CDC27: variants seen among roughly 807,000 people sequenced by gnomAD.
CDC27 encodes cell division cycle 27.
Under a neutral mutation model 109.7 loss-of-function variants are expected in CDC27, and 27 were observed. The observed-to-expected ratio is 0.25, with a 90% CI of 0.18 to 0.34. The LOEUF is 0.34. CDC27 is among the 10% of genes least tolerant of loss of function. The probability of loss-of-function intolerance (pLI) is 1.00; values close to 1 mark genes in which losing one functional copy is unlikely to be tolerated. For missense variants in CDC27, 579 were observed against 960.2 expected (o/e 0.60, Z 5.25); for synonymous variants, 266 against 333.9 (o/e 0.80, Z 2.22).
intron 15 of CDC27, among the ~76,000 whole-genome samples, chr17:47,130,692 T>G (rs1300734259): frequency 6.6e-6 from 1 of 151,764 alleles, no homozygotes; most frequent in African/African-American, 2.4e-5. Context: ...CTGGCCAACA[T>G]GATGAAACCC....
chr17:47,128,189 C>G (rs1303277151), intron 16 of CDC27, among the ~76,000 whole-genome samples: 3 of 151,910 alleles, frequency 2.0e-5, no homozygotes, highest in Non-Finnish European at 4.4e-5. Flanking sequence ...CACCACCATG[C>G]CTGGCTAATT....
In CDC27 at chr17:47,123,960, A is replaced by T; in HGVS notation, c.2161T>A (p.Ser721Thr). ...SVLFANEKYK[S>T]ALQELEELKQ... is the part of the protein sequence containing the mutation. ...AATTCTTCAAGTTCTTGTAAAGCAG[A>T]CTGAAAAAGGCAAAGAAAAACCTTA... Residue 721 changes from serine to threonine, a missense_variant and splice_region_variant, in exon 17 of 19, where the codon TCT becomes ACT. Coordinates refer to ENST00000066544, the MANE Select transcript of CDC27 (RefSeq NM_001256.6). 1 of 1,588,336 alleles carries T rather than the reference A, an allele frequency of 6.3e-7. No homozygotes were observed. The highest frequency in any genetic ancestry group is 1.2e-5 in the South Asian group (1 of 85,406).
At chr17:47,158,768 A>G (rs557410462) in intron 4 of CDC27, among the ~76,000 whole-genome samples, 4 of 152,186 alleles carry the variant, frequency 2.6e-5, no homozygotes, top group Admixed American at 2.0e-4. Context: ...ATAGGTGCGC[A>G]CCACCATATC....
At chr17:47,125,834 G>A (rs1466892074) in intron 16 of CDC27, among the ~76,000 whole-genome samples, 3 of 152,122 alleles carry the variant, frequency 2.0e-5, no homozygotes, top group Non-Finnish European at 2.9e-5. Flanking sequence ...GAGCTGCTGC[G>A]CCTGGCCTTT....
chr17:47,155,443 A>C (rs948316318), intron 7 of CDC27, among the ~76,000 whole-genome samples: 2 of 152,026 alleles, frequency 1.3e-5, no homozygotes, highest in Admixed American at 1.3e-4. Flanking sequence ...ATAGGGTTTC[A>C]CCATGTTGGC....
chr17:47,128,203 G>A (rs988628620), intron 16 of CDC27, among the ~76,000 whole-genome samples: 2 of 151,482 alleles, frequency 1.3e-5, no homozygotes. Context: ...GCTAATTTTT[G>A]TATTTTTGGT....
At chr17:47,141,334 T>C (rs539051524) in intron 12 of CDC27, among the ~76,000 whole-genome samples, 1 of 152,318 alleles carries the variant, frequency 6.6e-6, no homozygotes, top group South Asian at 2.1e-4. Context: ...TCTTTGGCTT[T>C]AGGTTAATCA....
At chr17:47,139,051 T>C (rs185459815) in intron 12 of CDC27, among the ~76,000 whole-genome samples, 160 bp from the exon 13 acceptor site, 1 of 152,306 alleles carries the variant, frequency 6.6e-6, no homozygotes, top group East Asian at 1.9e-4. Flanking sequence ...AGCAATCTAC[T>C]ATGGCAGGTC....
At chr17:47,134,563 C>G (rs1289618013) in intron 14 of CDC27, among the ~76,000 whole-genome samples, 1 of 151,944 alleles carries the variant, frequency 6.6e-6, no homozygotes, top group Non-Finnish European at 1.5e-5. Context: ...ACAACCTCCA[C>G]CTCCCAGGTT....
chr17:47,133,022 TATATATACACACACAC>T (rs1213313544), intron 14 of CDC27, among the ~76,000 whole-genome samples: 7 of 41,536 alleles, frequency 1.7e-4, no homozygotes, highest in Non-Finnish European at 3.5e-4. Context: ...TATATATATA[TATATATACACACACAC>T]ACACACACAC....
At chr17:47,138,592 C>T (rs1204291779) in intron 13 of CDC27, 147 bp downstream of exon 13, 36 of 555,820 alleles carry the variant, frequency 6.5e-5, no homozygotes, top group Non-Finnish European at 6.3e-5. Flanking sequence ...CTTTCTCTTC[C>T]TCTCTGAGTC....
chr17:47,142,853 TTTGG>T (rs2062838687), intron 10 of CDC27, among the ~76,000 whole-genome samples: 1 of 152,192 alleles, frequency 6.6e-6, no homozygotes, highest in African/African-American at 2.4e-5. Context: ...TAATTTTTAT[TTTGG>T]AAGAGACTGG....
intron 4 of CDC27, 39 bp from the exon 5 acceptor site, chr17:47,158,342 C>A: frequency 1.9e-6 from 2 of 1,044,072 alleles, no homozygotes; most frequent in South Asian, 1.9e-5. Context: ...AGCTACAAAC[C>A]CCAAAACCTG....
rs180985776 is a variant in CDC27, at chr17:47,130,506, T to C, written c.2032-985A>G. On this transcript the variant is annotated intron_variant, in intron 15 of 18. Transcript: ENST00000066544. ...CTTAAAATTTAAAAGATTTAAAAAG[T>C]ACCAAACCTCACTATTCATTCATAT... Among the ~76,000 whole-genome samples the C allele has an allele frequency of 2.0e-5, 3 of 152,330 alleles. No homozygotes were observed. The East Asian group carries it at 5.8e-4, about 29-fold the overall frequency.
At chr17:47,180,625 T>C (rs1318547269) in intron 2 of CDC27, among the ~76,000 whole-genome samples, 1 of 149,172 alleles carries the variant, frequency 6.7e-6, no homozygotes, top group East Asian at 1.9e-4. Context: ...AAAAAAAAGC[T>C]GTACACAATG....
chr17:47,176,500 A>T (rs1250042116), intron 2 of CDC27, among the ~76,000 whole-genome samples: 2 of 152,212 alleles, frequency 1.3e-5, no homozygotes, highest in African/African-American at 2.4e-5. Context: ...AAAGACCACA[A>T]ATAAAAGAGG....
chr17:47,172,509 A>G (rs1210448952), intron 2 of CDC27, among the ~76,000 whole-genome samples: 2 of 152,210 alleles, frequency 1.3e-5, no homozygotes, highest in African/African-American at 4.8e-5. Flanking sequence ...TCTATATTTT[A>G]AAAAGACCAG....
chr17:47,143,326 T>A (rs2148870806), intron 10 of CDC27, among the ~76,000 whole-genome samples: 1 of 152,324 alleles, frequency 6.6e-6, no homozygotes, highest in Middle Eastern at 3.4e-3. Flanking sequence ...CTGCAAATGA[T>A]AACATGTGAC....
At chr17:47,154,271 A>AC (rs2063233418) in intron 8 of CDC27, among the ~76,000 whole-genome samples, 1 of 152,190 alleles carries the variant, frequency 6.6e-6, no homozygotes, top group Non-Finnish European at 1.5e-5. Context: ...TTATTAAAAA[A>AC]ACATATATAC....
Sources: allele counts gnomAD v4.1 joint callset (sites outside exome capture counted in the v4.1 genomes callset), GRCh38; gene constraint gnomAD v4.1.1; transcripts MANE v1.5; gene names NCBI Gene and HGNC (gene_info 2026-07-23, HGNC 2026-07-21).